Variants in PLEKHG3 observed in about 807,000 individuals in gnomAD.
The protein encoded by PLEKHG3 is pleckstrin homology and RhoGEF domain containing G3.
A neutral mutation model predicts 94.9 loss-of-function variants in PLEKHG3; 62 were observed. The ratio of observed to expected loss-of-function variants is 0.65; its 90% confidence interval spans 0.53 to 0.81. The LOEUF is 0.81. Among genes scored for constraint, PLEKHG3 ranks in the 30% least tolerant of loss-of-function variants. PLEKHG3 has a pLI of 0.00. For synonymous variants in PLEKHG3, 614 were observed against 654.0 expected, an observed-to-expected ratio of 0.94 and a Z score of 0.93; for missense variants, 1,461 against 1,619.3, an observed-to-expected ratio of 0.90 and a Z score of 1.68.
Position 64,743,451 on chromosome 14 carries a change from C to G in PLEKHG3, c.3408C>G (p.Leu1136=). ...GGETLYVTAD[L]TLEDNRRVIV... ...AGACCCTGTATGTCACTGCAGACCT[C>G]ACCCTGGAGGACAACCGGCGGGTGA... Residue 1136 remains leucine (L), a synonymous_variant, in exon 17 of 17, where the codon CTC becomes CTG. Coordinates refer to ENST00000247226, the MANE Select transcript of PLEKHG3 (RefSeq NM_001308147.2). This position sits in a 1 kb window ranked among gnomAD's most constrained non-coding sequence, Gnocchi z 7.2. 1 of 1,613,182 alleles carries G rather than the reference C, an allele frequency of 6.2e-7. No individual in the cohort carries two copies. The highest frequency in any genetic ancestry group is 8.5e-7 in the Non-Finnish European group (1 of 1,179,988).
At position 64,716,466 on chromosome 14, in the gene PLEKHG3, AACAC is replaced by A. The variant is rs1555359404; in HGVS notation, c.-39-11115_-39-11112del. Among the ~76,000 whole-genome samples, 3 of 86,488 alleles carry A rather than the reference AACAC, an allele frequency of 3.5e-5. No individual in the cohort carries two copies. The highest frequency in any genetic ancestry group is 7.6e-5 in the Non-Finnish European group (3 of 39,526). 56.7% of individuals were successfully genotyped at this position (86,488 alleles called of 152,430 possible). ...CACACACACACACACACACACACAC[AACAC>A]ACACACACACAACACACACACACAC... is the stretch of plus-strand genomic sequence containing the variant. On this transcript the variant is annotated intron_variant, in intron 1 of 16. Transcript: ENST00000247226. This position sits in a 1 kb window ranked among gnomAD's most constrained non-coding sequence, Gnocchi z 5.0.
rs1329037374 is a variant in PLEKHG3 at position 64,738,198 on chromosome 14, G to A, written c.1405-544G>A. 6 of 1,289,374 alleles carry A rather than the reference G, an allele frequency of 4.7e-6. No individual in the cohort carries two copies. The highest frequency in any genetic ancestry group is 1.5e-5 in the African/African-American group (1 of 65,874). 79.9% of individuals were successfully genotyped at this position (1,289,374 alleles called of 1,614,324 possible). ...CCACTGCTGGCACTATCGGGCCAAC[G>A]CTTTACTTTTCTCCCGGGGCGCTAT... On this transcript the variant is annotated intron_variant, in intron 14 of 16. Transcript: ENST00000247226. The surrounding 1 kb of genome is among the most constrained non-coding windows in gnomAD (Gnocchi z 4.8).
chr14:64,738,961 G>A lies in PLEKHG3; in HGVS notation c.1518+106G>A. 4.2e-6 allele frequency: 3 copies of A among 721,300 alleles called. No homozygotes were observed. Among genetic ancestry groups the A allele is most frequent in the Non-Finnish European group, 7.4e-6 (3 of 406,440 alleles). The allele number at this position is 721,300 out of a possible 1,614,324, so 44.7% of individuals were successfully genotyped here. On this transcript the variant is annotated intron_variant, in intron 15 of 16. Coordinates refer to ENST00000247226, the MANE Select transcript of PLEKHG3 (RefSeq NM_001308147.2). The surrounding 1 kb of genome is among the most constrained non-coding windows in gnomAD (Gnocchi z 4.8). ...GCACAGGCTCTCCCACTGGGCCCAT[G>A]GGAACAGAGATTCCCCACCTCCCAG...
rs1307087456 is a variant in PLEKHG3, at chr14:64,744,401, C to T, written c.*698C>T. 1 of 152,530 alleles carries T rather than the reference C, an allele frequency of 6.6e-6. No homozygotes were observed. Among genetic ancestry groups the T allele is most frequent in the African/African-American group, 2.4e-5 (1 of 41,412 alleles). The allele number at this position is 152,530 out of a possible 1,614,324, so 9.4% of individuals were successfully genotyped here. On this transcript the variant is annotated 3_prime_UTR_variant, in exon 17 of 17. Transcript: ENST00000247226. ...GGGGTAGGGAAGGTTATTCATGGGC[C>T]AGGGATGTCTTAGGGAGATGGAGAC...
Position 64,749,577 on chromosome 14 carries a change from G to A in PLEKHG3, c.*5874G>A. 3 of 1,607,164 alleles carry A rather than the reference G, an allele frequency of 1.9e-6. No homozygotes were observed. Among genetic ancestry groups the A allele is most frequent in the Non-Finnish European group, 2.5e-6 (3 of 1,178,956 alleles). ...TCTTGGGACTGCCCCTTCTGAGGGG[G>A]CCTCCAGGGCAAGCGGCCTGGGGTC... On this transcript the variant is annotated 3_prime_UTR_variant, in exon 17 of 17. Coordinates refer to ENST00000247226, the MANE Select transcript of PLEKHG3 (RefSeq NM_001308147.2). This position sits in a 1 kb window ranked among gnomAD's most constrained non-coding sequence, Gnocchi z 4.7.
At position 64,727,720 on chromosome 14, in the gene PLEKHG3, G is replaced by A; in HGVS notation, c.89G>A (p.Cys30Tyr). ...ACCACCTCCTCGTCGGGCTCCTCCT[G>A]TGACAGTCGCAGTGCCATGGAGGAG... The part of the protein sequence containing the change: ...TSTTSSSGSS[C>Y]DSRSAMEEPS... Residue 30 changes from cysteine (C) to tyrosine (Y), a missense_variant, in exon 2 of 17, where the codon TGT (cysteine) becomes TAT (tyrosine). Cys to Tyr is a radical substitution (Grantham distance 194, BLOSUM62 -2). This residue lies in a region of PLEKHG3 where 253 missense variants were observed against 297.8 expected (regional missense o/e 0.85). Coordinates refer to ENST00000247226, the MANE Select transcript of PLEKHG3 (RefSeq NM_001308147.2). The surrounding 1 kb of genome is among the most constrained non-coding windows in gnomAD (Gnocchi z 6.0). The A allele has an allele frequency of 1.9e-6, 3 of 1,612,232 alleles. No individual in the cohort carries two copies. Among genetic ancestry groups the A allele is most frequent in the South Asian group, 2.2e-5 (2 of 91,010 alleles).
rs2081374313 is a variant in PLEKHG3 at position 64,727,497 on chromosome 14, T to G, written c.-39-96T>G. 1.8e-6 allele frequency: 1 copy of G among 560,680 alleles called. No individual in the cohort carries two copies. Among genetic ancestry groups the G allele is most frequent in the African/African-American group, 1.9e-5 (1 of 52,424 alleles). The allele number at this position is 560,680 out of a possible 1,614,324, so 34.7% of individuals were successfully genotyped here. On this transcript the variant is annotated intron_variant, in intron 1 of 16. Transcript: ENST00000247226. The surrounding 1 kb of genome is among the most constrained non-coding windows in gnomAD (Gnocchi z 6.0). ...ACTCTGGATGCACTAAATAATACCT[T>G]CCCACCCCACCTGCCCCCACCCCTG... is the stretch of plus-strand genomic sequence containing the variant.
rs1198657379 is a variant in PLEKHG3 at position 64,730,625 on chromosome 14, T to C, written c.520-17T>C. On this transcript the variant is annotated splice_polypyrimidine_tract_variant and intron_variant, in intron 4 of 16. Transcript: ENST00000247226. This position sits in a 1 kb window ranked among gnomAD's most constrained non-coding sequence, Gnocchi z 5.4. ...ATGAGAATCTCCCTGAAATCACTAT[T>C]TTTGATCTCTTCTTAGAGCCAAGAG... is the stretch of plus-strand genomic sequence containing the variant. 1.9e-6 allele frequency: 3 copies of C among 1,603,894 alleles called. No individual in the cohort carries two copies. The highest frequency in any genetic ancestry group is 1.7e-5 in the Admixed American group (1 of 60,004).
chr14:64,705,872 T>C (rs1390540713), intron 1 of PLEKHG3, among the ~76,000 whole-genome samples: 1 of 152,206 alleles, frequency 6.6e-6, no homozygotes, highest in Non-Finnish European at 1.5e-5. Flanking sequence ...CTCTCTGTTA[T>C]ACATCTCTCC....
At chr14:64,706,622 A>G (rs1307515382) in intron 1 of PLEKHG3, among the ~76,000 whole-genome samples, 1 of 152,240 alleles carries the variant, frequency 6.6e-6, no homozygotes, top group East Asian at 1.9e-4. Flanking sequence ...GTGTGCCACA[A>G]GGAGACGTTA....
rs750384745 is a variant in PLEKHG3 at position 64,741,275 on chromosome 14, C to T, written c.1758C>T (p.Ala586=). 1.8e-5 allele frequency: 29 copies of T among 1,613,698 alleles called. No individual in the cohort carries two copies. The highest frequency in any genetic ancestry group is 1.6e-4 in the Middle Eastern group (1 of 6,082). Residue 586 remains alanine, a synonymous_variant, in exon 16 of 17, where the codon GCC becomes GCT. Transcript: ENST00000247226. The part of the protein sequence containing the change: ...SSEEEEEMGG[A]AQEPESLLPP... ...AGGAGGAAGAAGAAATGGGAGGTGC[C>T]GCCCAGGAGCCTGAGAGCCTTCTGC...
Position 64,741,417 on chromosome 14 carries a change from C to T in PLEKHG3, c.1900C>T (p.Leu634=). Residue 634 remains leucine, a synonymous_variant, in exon 16 of 17, where the codon CTG becomes TTG. Transcript: ENST00000247226. ...SKSSGFGSPR[L]VSRSSSVLSL... ...GTCCAGTGGCTTTGGGAGCCCGCGGCTGGTCAGCCGGAGCAGCAGCGTGCT... is the reference window on the plus strand; with the variant it reads ...GTCCAGTGGCTTTGGGAGCCCGCGGTTGGTCAGCCGGAGCAGCAGCGTGCT... 1 of 1,612,902 alleles carries T rather than the reference C, an allele frequency of 6.2e-7. No individual in the cohort carries two copies. The highest frequency in any genetic ancestry group is 8.5e-7 in the Non-Finnish European group (1 of 1,179,990).
Position 64,741,123 on chromosome 14 carries a change from G to C in PLEKHG3, c.1606G>C (p.Glu536Gln). Residue 536 changes from glutamate (E) to glutamine (Q), a missense_variant, in exon 16 of 17, where the codon GAA becomes CAA. This residue lies in a region of PLEKHG3 where 1,201 missense variants were observed against 1,295.5 expected (regional missense o/e 0.93). Coordinates refer to ENST00000247226, the MANE Select transcript of PLEKHG3 (RefSeq NM_001308147.2). ...TGCCGAGGAGACGCCTTCAGACACA[G>C]AATCTCCAGAAGTCCTGGAGACACA... is the stretch of plus-strand genomic sequence containing the variant. ...PSAEETPSDT[E>Q]SPEVLETQLD... The C allele has an allele frequency of 6.2e-7, 1 of 1,614,082 alleles. No homozygotes were observed. Among genetic ancestry groups the C allele is most frequent in the South Asian group, 1.1e-5 (1 of 91,088 alleles).
In PLEKHG3 at chr14:64,725,800, A is replaced by G. The variant is rs898120096; in HGVS notation, c.-39-1793A>G. Among the ~76,000 whole-genome samples the G allele has an allele frequency of 2.0e-5, 3 of 152,352 alleles. No individual in the cohort carries two copies. Among genetic ancestry groups the G allele is most frequent in the African/African-American group, 7.2e-5 (3 of 41,576 alleles). On this transcript the variant is annotated intron_variant, in intron 1 of 16. Coordinates refer to ENST00000247226, the MANE Select transcript of PLEKHG3 (RefSeq NM_001308147.2). The surrounding 1 kb of genome is among the most constrained non-coding windows in gnomAD (Gnocchi z 5.0). ...GTGACAAAGTGCTGTGCTCCAGAGC[A>G]TCCCGGCCAGGTTAGCGGCAGGTGG...
intron 13 of PLEKHG3, 91 bp downstream of exon 13, chr14:64,736,982 G>T: frequency 1.1e-6 from 1 of 952,002 alleles, no homozygotes; most frequent in South Asian, 1.3e-5. Context: ...GTGACCTGAG[G>T]GTGGAGGATT....
rs909532453 is a variant in PLEKHG3 at position 64,732,732 on chromosome 14, A to G, written c.1247-71A>G. ...GGTGGGTATAGAGGTCTGGCTGGTT[A>G]TGGACAGGGTCTAGGGTAGGCCAAG... On this transcript the variant is annotated intron_variant, in intron 11 of 16. Coordinates refer to ENST00000247226, the MANE Select transcript of PLEKHG3 (RefSeq NM_001308147.2). This position sits in a 1 kb window ranked among gnomAD's most constrained non-coding sequence, Gnocchi z 4.9. 100 of 1,198,124 alleles carry G rather than the reference A, an allele frequency of 8.3e-5. No individual in the cohort carries two copies. In the Admixed American group the frequency reaches 2.0e-3, roughly 24 times the overall value. The allele number at this position is 1,198,124 out of a possible 1,614,324, so 74.2% of individuals were successfully genotyped here.
Position 64,731,258 on chromosome 14 carries a change from A to G in PLEKHG3, c.849+89A>G. ...GAGGGACTGTGGCCACCCTGCTGGG[A>G]TGAGCTGGGCAGTGGCATTGGGGGA... On this transcript the variant is annotated intron_variant, in intron 7 of 16. Coordinates refer to ENST00000247226, the MANE Select transcript of PLEKHG3 (RefSeq NM_001308147.2). The surrounding 1 kb of genome is among the most constrained non-coding windows in gnomAD (Gnocchi z 6.1). 6.8e-7 allele frequency: 1 copy of G among 1,460,598 alleles called. No homozygotes were observed. Among genetic ancestry groups the G allele is most frequent in the South Asian group, 1.2e-5 (1 of 84,188 alleles). 90.5% of individuals were successfully genotyped at this position (1,460,598 alleles called of 1,614,324 possible).
chr14:64,743,135 G>A lies in PLEKHG3; in HGVS notation c.3092G>A (p.Gly1031Asp), dbSNP rs762540769. The A allele has an allele frequency of 5.6e-6, 9 of 1,611,714 alleles. No individual in the cohort carries two copies. The highest frequency in any genetic ancestry group is 5.9e-6 in the Non-Finnish European group (7 of 1,179,880). Residue 1031 changes from glycine (G) to aspartate (D), a missense_variant, in exon 17 of 17, where the codon GGC becomes GAC. By Grantham distance (94) the Gly-to-Asp change is moderately conservative (BLOSUM62 -1). This residue lies in a region of PLEKHG3 where 1,201 missense variants were observed against 1,295.5 expected (regional missense o/e 0.93). Transcript: ENST00000247226. This position sits in a 1 kb window ranked among gnomAD's most constrained non-coding sequence, Gnocchi z 7.2. ...AGCCAGAGGACCACCTCGCCTGGGG[G>A]CCGGCCCTCCGCCCGGAGCCCCCTC... ...AVSQRTTSPG[G>D]RPSARSPLSP...
rs2081297719 is a variant in PLEKHG3, at chr14:64,723,341, G to A, written c.-39-4252G>A. Among the ~76,000 whole-genome samples, 1 of 152,120 alleles carries A rather than the reference G, an allele frequency of 6.6e-6. No individual in the cohort carries two copies. Among genetic ancestry groups the A allele is most frequent in the African/African-American group, 2.4e-5 (1 of 41,420 alleles). On this transcript the variant is annotated intron_variant, in intron 1 of 16. Coordinates refer to ENST00000247226, the MANE Select transcript of PLEKHG3 (RefSeq NM_001308147.2). This position sits in a 1 kb window ranked among gnomAD's most constrained non-coding sequence, Gnocchi z 4.5. ...TAATCCCAGCACTTTAGGAGGCTGA[G>A]GCAGGAGGATCGCTTGAGGTCGAGG...
Sources: gnomAD v4.1 joint callset for allele counts (sites outside exome capture counted in the v4.1 genomes callset) on GRCh38, gnomAD v4.1.1 for gene constraint, gnomAD v4.1.1 regional missense constraint, Gnocchi (gnomAD v3.1) non-coding constraint, MANE v1.5 for transcripts, NCBI Gene and HGNC (gene_info 2026-07-23, HGNC 2026-07-21) for gene names.